LAMA2: variants seen among roughly 807,000 people sequenced by gnomAD.
The protein encoded by LAMA2 is laminin subunit alpha-2.
In LAMA2, 269 loss-of-function variants were observed where a neutral mutation model predicts 364.8. The observed-to-expected ratio is 0.74, with a 90% CI of 0.67 to 0.82. The LOEUF (loss-of-function observed/expected upper bound fraction) is 0.82, where lower values mean the gene tolerates loss of function less well. LAMA2 is among the 40% of genes least tolerant of loss of function. The pLI is 0.00. For missense variants in LAMA2, 3,807 were observed against 3,873.2 expected, an observed-to-expected ratio of 0.98 and a Z score of 0.45; for synonymous variants, 1,379 against 1,370.6, an observed-to-expected ratio of 1.01 and a Z score of -0.14.
chr6:129,049,956 C>G lies in LAMA2; in HGVS notation c.151C>G (p.Leu51Val). ...PAVLNLASNA[L>V]ITTNATCGEK... Reference sequence around the variant, plus strand: ...TGTCCTGAATCTTGCTTCTAATGCTCTTATCACGACCAATGCAACATGTGG... The same window carrying G: ...TGTCCTGAATCTTGCTTCTAATGCTGTTATCACGACCAATGCAACATGTGG... The change falls in exon 2 of 65, where the codon CTT becomes GTT. Residue 51 changes from leucine (L) to valine (V), a missense_variant. Leu to Val is a conservative substitution (Grantham distance 32). Around this residue, in one of 3 missense-constraint regions of LAMA2, gnomAD observed 394 missense variants for 403.5 expected, o/e 0.98. Coordinates refer to ENST00000421865, the MANE Select transcript of LAMA2 (RefSeq NM_000426.4). 1.2e-6 allele frequency: 2 copies of G among 1,614,010 alleles called. No homozygotes were observed. The highest frequency in any genetic ancestry group is 1.6e-4 in the Middle Eastern group (1 of 6,062).
chr6:129,013,024 A>T (rs1217930757), intron 1 of LAMA2, among the ~76,000 whole-genome samples: 1 of 152,226 alleles, frequency 6.6e-6, no homozygotes, highest in Non-Finnish European at 1.5e-5. Flanking sequence ...TATGAAACTC[A>T]CTTTTAGAGA....
intron 1 of LAMA2, among the ~76,000 whole-genome samples, chr6:129,007,309 T>A (rs1784502992): frequency 6.6e-6 from 1 of 152,166 alleles, no homozygotes; most frequent in Non-Finnish European, 1.5e-5. Context: ...TTTCCTCTAC[T>A]GTGGAGTGAG....
chr6:128,892,427 T>A (rs1399257164), intron 1 of LAMA2, among the ~76,000 whole-genome samples: 1 of 152,050 alleles, frequency 6.6e-6, no homozygotes, highest in Non-Finnish European at 1.5e-5. Context: ...TTTCTAGGAA[T>A]CTCATTGTTG....
At chr6:129,318,300 T>C (rs1467458286) in intron 27 of LAMA2, among the ~76,000 whole-genome samples, 3 of 152,198 alleles carry the variant, frequency 2.0e-5, no homozygotes, top group Admixed American at 1.3e-4. Flanking sequence ...TGTTTCCTTT[T>C]ATAAAGTTTA....
chr6:129,187,224 A>G (rs1251356873), intron 10 of LAMA2, among the ~76,000 whole-genome samples: 1 of 151,728 alleles, frequency 6.6e-6, no homozygotes, highest in Non-Finnish European at 1.5e-5. Flanking sequence ...GAAATTTTGA[A>G]AAAACAATGA....
At position 129,369,953 on chromosome 6, in the gene LAMA2, A is replaced by G; in HGVS notation, c.4922A>G (p.Asn1641Ser). ...RLIQLAEGNL[N>S]TLVTEMNELL... ...ATTCAGCTGGCAGAGGGCAATCTGA[A>G]TACACTCGTGACCGAAATGAACGAG... The change falls in exon 34 of 65, where the codon AAT becomes AGT. Residue 1641 changes from asparagine to serine, a missense_variant. Asn to Ser is a conservative substitution (Grantham distance 46). Coordinates refer to ENST00000421865, the MANE Select transcript of LAMA2 (RefSeq NM_000426.4). The G allele has an allele frequency of 6.2e-7, 1 of 1,614,118 alleles. No homozygotes were observed. The highest frequency in any genetic ancestry group is 8.5e-7 in the Non-Finnish European group (1 of 1,179,980).
At chr6:129,173,411 CTA>C (rs1290086166) in intron 9 of LAMA2, among the ~76,000 whole-genome samples, 1 of 152,152 alleles carries the variant, frequency 6.6e-6, no homozygotes, top group African/African-American at 2.4e-5. Flanking sequence ...GCTTACATGT[CTA>C]TTTCATCAAT....
intron 9 of LAMA2, among the ~76,000 whole-genome samples, chr6:129,170,169 C>T (rs1051665253): frequency 2.7e-5 from 4 of 148,946 alleles, no homozygotes; most frequent in Non-Finnish European, 6.0e-5. Context: ...TCCTTCAGTT[C>T]TGCTCTGATT....
At chr6:129,289,293 A>G (rs1300234299) in intron 19 of LAMA2, among the ~76,000 whole-genome samples, 2 of 152,178 alleles carry the variant, frequency 1.3e-5, no homozygotes, top group Non-Finnish European at 2.9e-5. Context: ...CAGATCATCT[A>G]GGATCTACAT....
chr6:129,344,691 G>A (rs2114573889), intron 30 of LAMA2, among the ~76,000 whole-genome samples: 1 of 152,264 alleles, frequency 6.6e-6, no homozygotes, highest in East Asian at 1.9e-4. Flanking sequence ...GTTGGGAAAG[G>A]AGAAAAAGAA....
intron 8 of LAMA2, among the ~76,000 whole-genome samples, 187 bp downstream of exon 8, chr6:129,154,870 A>G (rs1779014958): frequency 1.3e-5 from 2 of 152,218 alleles, no homozygotes; most frequent in Admixed American, 6.5e-5. Flanking sequence ...AAACTTTTCC[A>G]TCACTCCAGA....
intron 4 of LAMA2, among the ~76,000 whole-genome samples, chr6:129,109,598 G>A (rs907857265): frequency 8.8e-5 from 4 of 45,530 alleles, no homozygotes; most frequent in African/African-American, 3.2e-4. Flanking sequence ...AAGTGAGGCT[G>A]TAGAAACTAG....
intron 19 of LAMA2, among the ~76,000 whole-genome samples, chr6:129,288,270 A>G (rs1356514864): frequency 6.6e-6 from 1 of 152,226 alleles, no homozygotes; most frequent in Admixed American, 6.5e-5. Flanking sequence ...GTATTGAAGC[A>G]TCACTGTTTT....
intron 1 of LAMA2, among the ~76,000 whole-genome samples, chr6:128,949,566 G>A (rs1390258735): frequency 1.3e-5 from 2 of 152,082 alleles, no homozygotes; most frequent in Admixed American, 6.6e-5. Context: ...AGAAAGAAAG[G>A]AGGAGAGAAG....
chr6:129,168,077 TGA>T (rs1484919521), intron 9 of LAMA2, among the ~76,000 whole-genome samples: 2 of 146,700 alleles, frequency 1.4e-5, no homozygotes, highest in Non-Finnish European at 3.0e-5. Flanking sequence ...CTTTGTCAGA[TGA>T]GTAGGTTGCA....
intron 9 of LAMA2, among the ~76,000 whole-genome samples, chr6:129,168,094 T>C (rs1484999412): frequency 4.3e-4 from 61 of 141,652 alleles, no homozygotes; most frequent in African/African-American, 1.3e-3. Flanking sequence ...GTTGCAAAAA[T>C]TTTCTCCCAT....
At chr6:128,931,307 A>C (rs1241358647) in intron 1 of LAMA2, among the ~76,000 whole-genome samples, 1 of 152,222 alleles carries the variant, frequency 6.6e-6, no homozygotes, top group African/African-American at 2.4e-5. Flanking sequence ...CACACTTTGC[A>C]GTGGCCATTT....
intron 3 of LAMA2, among the ~76,000 whole-genome samples, chr6:129,067,470 G>C (rs1194428565): frequency 1.3e-5 from 2 of 152,254 alleles, no homozygotes; most frequent in East Asian, 3.9e-4. Context: ...CATCCTAATT[G>C]GTTTCCGTTT....
chr6:129,097,475 C>A (rs1259233211), intron 3 of LAMA2, among the ~76,000 whole-genome samples: 2 of 152,142 alleles, frequency 1.3e-5, no homozygotes, highest in Admixed American at 6.5e-5. Flanking sequence ...AGTAACAATA[C>A]CTCTTTATTT....
Sources: gnomAD v4.1 joint callset for allele counts (sites outside exome capture counted in the v4.1 genomes callset) on GRCh38, gnomAD v4.1.1 for gene constraint, gnomAD v4.1.1 regional missense constraint, MANE v1.5 for transcripts, NCBI Gene and HGNC (gene_info 2026-07-23, HGNC 2026-07-21) for gene names.